FBXW2: variants seen among roughly 807,000 people sequenced by gnomAD.
The protein encoded by FBXW2 is F-box/WD repeat-containing protein 2.
FBXW2 carries 12 observed loss-of-function variants against 46.0 expected under a neutral mutation model. That is an observed-to-expected ratio of 0.26 (90% CI 0.17 to 0.42). The LOEUF (loss-of-function observed/expected upper bound fraction) is 0.42, where lower values mean the gene tolerates loss of function less well. Ranked by LOEUF, FBXW2 falls within the 10% of genes least tolerant of loss-of-function variation. FBXW2 has a pLI of 1.00. For synonymous variants in FBXW2, 203 were observed against 209.6 expected (o/e 0.97, Z 0.27); for missense variants, 360 against 537.0 (o/e 0.67, Z 3.26).
At chr9:120,793,116 T>C (rs1348344375) in intron 2 of FBXW2, 33 bp downstream of exon 2, 2 of 689,660 alleles carry the variant, frequency 2.9e-6, no homozygotes, top group East Asian at 5.4e-5. Flanking sequence ...CCAGGTCCCT[T>C]GCTCTCGGAA....
chr9:120,775,293 C>G (rs1456882231), intron 5 of FBXW2, among the ~76,000 whole-genome samples: 1 of 152,212 alleles, frequency 6.6e-6, no homozygotes, highest in Non-Finnish European at 1.5e-5. Flanking sequence ...ATCCGCCCGC[C>G]TTGGCCTCCC....
chr9:120,757,213 G>A lies in FBXW2; in HGVS notation c.*7346C>T, dbSNP rs971475544. The A allele has an allele frequency of 6.6e-6, 1 of 152,188 alleles. No individual in the cohort carries two copies. The highest frequency in any genetic ancestry group is 2.4e-5 in the African/African-American group (1 of 41,440). The allele number at this position is 152,188 out of a possible 1,614,324, so 9.4% of individuals were successfully genotyped here. A position where few individuals can be genotyped will look rare whatever the true frequency, so the allele number is the denominator to read the frequency against. The stretch of plus-strand genomic sequence containing the variant: ...GAAATGTCAGTTAAAGCAACCTTGA[G>A]ATACTTCCTTTATATCTATTAAATT... On this transcript the variant is annotated 3_prime_UTR_variant, in exon 8 of 8. Coordinates refer to ENST00000608872, the MANE Select transcript of FBXW2 (RefSeq NM_012164.4).
rs2044173500 is a variant in FBXW2, at chr9:120,760,035, T to C, written c.*4524A>G. 1 of 152,186 alleles carries C rather than the reference T, an allele frequency of 6.6e-6. No homozygotes were observed. Among genetic ancestry groups the C allele is most frequent in the African/African-American group, 2.4e-5 (1 of 41,450 alleles). 9.4% of individuals were successfully genotyped at this position (152,186 alleles called of 1,614,324 possible). ...ACTGCCAAAGATGGCTAATGGGCAT[T>C]GTGTCAAAAAAGTGAATCTGTTCTT... is the stretch of plus-strand genomic sequence containing the variant. On this transcript the variant is annotated 3_prime_UTR_variant, in exon 8 of 8. Coordinates refer to ENST00000608872, the MANE Select transcript of FBXW2 (RefSeq NM_012164.4).
chr9:120,775,644 G>A (rs893062904), intron 5 of FBXW2, among the ~76,000 whole-genome samples: 2 of 151,940 alleles, frequency 1.3e-5, no homozygotes, highest in African/African-American at 4.8e-5. Context: ...TAAAGATCCT[G>A]TACAGTTTTC....
chr9:120,791,168 G>T (rs955966722), intron 2 of FBXW2, among the ~76,000 whole-genome samples: 4 of 152,126 alleles, frequency 2.6e-5, no homozygotes, highest in Non-Finnish European at 5.9e-5. Flanking sequence ...GTCTAAACTG[G>T]ACTCTTTTAG....
At chr9:120,793,011 C>T (rs1475920668) in intron 2 of FBXW2, 138 bp downstream of exon 2, 6 of 1,499,400 alleles carry the variant, frequency 4.0e-6, no homozygotes, top group Non-Finnish European at 4.5e-6. Flanking sequence ...TAACTCATTT[C>T]GCAGCTAAGG....
At chr9:120,766,849 A>G (rs1378531114) in intron 7 of FBXW2, among the ~76,000 whole-genome samples, 2 of 152,248 alleles carry the variant, frequency 1.3e-5, no homozygotes, top group Non-Finnish European at 2.9e-5. Flanking sequence ...CATGAGTCAT[A>G]CAGCTAACAT....
intron 6 of FBXW2, among the ~76,000 whole-genome samples, 162 bp downstream of exon 6, chr9:120,772,592 G>C (rs2044403311): frequency 6.6e-6 from 1 of 152,138 alleles, no homozygotes; most frequent in African/African-American, 2.4e-5. Context: ...ACAGGACATA[G>C]AGCTAGCAAA....
chr9:120,789,686 A>G (rs868806731), intron 2 of FBXW2, among the ~76,000 whole-genome samples: 2 of 152,242 alleles, frequency 1.3e-5, no homozygotes, highest in African/African-American at 4.8e-5. Context: ...CTTTCCAGAC[A>G]TATCACCTAG....
chr9:120,759,333 G>A lies in FBXW2; in HGVS notation c.*5226C>T, dbSNP rs1326157782. 3.3e-5 allele frequency: 5 copies of A among 152,116 alleles called. No individual in the cohort carries two copies. The highest frequency in any genetic ancestry group is 3.3e-4 in the Admixed American group (5 of 15,280). The allele number at this position is 152,116 out of a possible 1,614,324, so 9.4% of individuals were successfully genotyped here. ...ATTTATAGTTAACACAATCACTCAC[G>A]GGTAAAAAGAGTGCTTCTATGATGC... On this transcript the variant is annotated 3_prime_UTR_variant, in exon 8 of 8. Transcript: ENST00000608872.
In FBXW2 at chr9:120,764,689, C is replaced by CCT; in HGVS notation, c.1233_1234dup (p.Gly412GlufsTer13). 6.2e-7 allele frequency: 1 copy of CCT among 1,614,212 alleles called. No individual in the cohort carries two copies. ...TGCTTCGCCTGCCAGGAAGCTTGAG[C>CCT]CTCTCTTTGATTTCCTGTACTCTGG... On this transcript the variant is annotated frameshift_variant, in exon 8 of 8. Transcript: ENST00000608872. LOFTEE classifies it high-confidence loss of function.
rs894873708 is a variant in FBXW2 at position 120,759,372 on chromosome 9, C to G, written c.*5187G>C. 1.3e-5 allele frequency: 2 copies of G among 152,190 alleles called. No individual in the cohort carries two copies. Among genetic ancestry groups the G allele is most frequent in the Non-Finnish European group, 1.5e-5 (1 of 68,022 alleles). The allele number at this position is 152,190 out of a possible 1,614,324, so 9.4% of individuals were successfully genotyped here. A position where few individuals can be genotyped will look rare whatever the true frequency, so the allele number is the denominator to read the frequency against. On this transcript the variant is annotated 3_prime_UTR_variant, in exon 8 of 8. Coordinates refer to ENST00000608872, the MANE Select transcript of FBXW2 (RefSeq NM_012164.4). ...CTTCTATGATGCAAGAAAATAACTTCTCATCTTAGAGACATCTTGTTCCAC... is the reference window on the plus strand; with the variant it reads ...CTTCTATGATGCAAGAAAATAACTTGTCATCTTAGAGACATCTTGTTCCAC...
At chr9:120,789,875 C>CT in intron 2 of FBXW2, among the ~76,000 whole-genome samples, 1 of 152,318 alleles carries the variant, frequency 6.6e-6, no homozygotes, top group South Asian at 2.1e-4. Context: ...GTTTTGATTT[C>CT]TGGAACTGTG....
rs374049247 is a variant in FBXW2, at chr9:120,768,469, CTAAAGAA to C, written c.1076+2872_1076+2878del. ...ACAAAGGTGGGTGCTCAATGAATAT[CTAAAGAA>C]TAAAGTAGTGGTGAAATAAACAAAG... On this transcript the variant is annotated intron_variant, in intron 7 of 7. Coordinates refer to ENST00000608872, the MANE Select transcript of FBXW2 (RefSeq NM_012164.4). Among the ~76,000 whole-genome samples, 74 of 152,244 alleles carry C rather than the reference CTAAAGAA, an allele frequency of 4.9e-4. 1 individual carries two copies. The highest frequency in any genetic ancestry group is 1.6e-3 in the African/African-American group (67 of 41,536).
Position 120,776,117 on chromosome 9 carries a change from G to A in FBXW2, c.795C>T (p.Thr265=), listed in dbSNP as rs753894386. ...CCTTGGTGACCCATTCCGTGTGCCC[G>A]GTGAGTGTGTTCAGGCATGTCCCAG... ...LSAGTCLNTL[T]GHTEWVTKVV... Residue 265 remains threonine (T), a synonymous_variant, in exon 5 of 8, where the codon ACC becomes ACT. Coordinates refer to ENST00000608872, the MANE Select transcript of FBXW2 (RefSeq NM_012164.4). 6.8e-6 allele frequency: 11 copies of A among 1,613,782 alleles called. No homozygotes were observed. Among genetic ancestry groups the A allele is most frequent in the South Asian group, 4.4e-5 (4 of 91,066 alleles).
chr9:120,766,575 G>A (rs757341008), intron 7 of FBXW2, among the ~76,000 whole-genome samples: 12 of 151,926 alleles, frequency 7.9e-5, no homozygotes, highest in East Asian at 1.9e-4. Flanking sequence ...AGCGATTCTC[G>A]TGCCTCAGCC....
rs1282826996 is a variant in FBXW2 at position 120,771,526 on chromosome 9, A to C, written c.907-9T>G. 5 of 1,606,078 alleles carry C rather than the reference A, an allele frequency of 3.1e-6. No individual in the cohort carries two copies. The highest frequency in any genetic ancestry group is 4.2e-6 in the Non-Finnish European group (5 of 1,176,936). On this transcript the variant is annotated splice_polypyrimidine_tract_variant and intron_variant, in intron 6 of 7. Transcript: ENST00000608872. ...CTCCCAATTGGCCAAATCTACAGAA[A>C]AAAGAAAATGAGGAAAGATGAGAGA...
intron 7 of FBXW2, among the ~76,000 whole-genome samples, chr9:120,770,105 G>A (rs573570741): frequency 2.6e-5 from 4 of 152,102 alleles, no homozygotes; most frequent in African/African-American, 4.8e-5. Context: ...GGCCGGGTGC[G>A]GTGGCTCACG....
chr9:120,786,179 GT>G (rs2044719062), intron 3 of FBXW2, among the ~76,000 whole-genome samples: 1 of 152,176 alleles, frequency 6.6e-6, no homozygotes, highest in Non-Finnish European at 1.5e-5. Context: ...CATTGATATG[GT>G]TAAGCTTTGT....
Sources: gnomAD v4.1 joint callset for allele counts (sites outside exome capture counted in the v4.1 genomes callset) on GRCh38, gnomAD v4.1.1 for gene constraint, MANE v1.5 for transcripts, NCBI Gene and HGNC (gene_info 2026-07-23, HGNC 2026-07-21) for gene names.